The following ALDH1A2 variants were observed in gnomAD, a reference collection of about 807,000 sequenced individuals.
The protein encoded by ALDH1A2 is retinal dehydrogenase 2.
A neutral mutation model predicts 60.3 loss-of-function variants in ALDH1A2; 27 were observed. The observed-to-expected ratio is 0.45, with a 90% confidence interval of 0.33 to 0.62. The LOEUF (loss-of-function observed/expected upper bound fraction) is 0.62. Among genes scored for constraint, ALDH1A2 ranks in the 20% least tolerant of loss-of-function variants. ALDH1A2 has a pLI of 0.02. For missense variants in ALDH1A2, 581 were observed against 643.8 expected (o/e 0.90, Z 1.06); for synonymous variants, 289 against 232.4 (o/e 1.24, Z -2.21).
chr15:57,992,817 G>A lies in ALDH1A2; in HGVS notation c.686C>T (p.Ala229Val). The A allele has an allele frequency of 1.9e-6, 3 of 1,614,118 alleles. No individual in the cohort carries two copies. Among genetic ancestry groups the A allele is most frequent in the Non-Finnish European group, 2.5e-6 (3 of 1,179,974 alleles). The change falls in exon 7 of 13, where the codon GCT becomes GTT. Residue 229 changes from alanine to valine, a missense_variant and splice_region_variant. Around this residue, in one of 2 missense-constraint regions of ALDH1A2, gnomAD observed 375 missense variants for 469.7 expected, o/e 0.80. Transcript: ENST00000249750. ...ALYMGALIKEAGFPPGVINIL... is the reference protein window; with the variant it reads ...ALYMGALIKEVGFPPGVINIL... ...ATTGATGACCCCGGGAGGAAAGCCA[G>A]CCTAAGAAAACAGAACAGGAGGAAA...
chr15:58,031,360 T>C (rs1896235820), intron 1 of ALDH1A2, among the ~76,000 whole-genome samples: 1 of 152,068 alleles, frequency 6.6e-6, no homozygotes, highest in African/African-American at 2.4e-5. Flanking sequence ...GTACAAAAAT[T>C]AACTCAAGAT....
intron 1 of ALDH1A2, among the ~76,000 whole-genome samples, chr15:58,028,764 A>T (rs1379146141): frequency 6.6e-6 from 1 of 152,208 alleles, no homozygotes; most frequent in African/African-American, 2.4e-5. Flanking sequence ...AGTCTGATGA[A>T]ACAGACTTTA....
chr15:57,975,872 TGTGAGG>T (rs1326238551), intron 7 of ALDH1A2, among the ~76,000 whole-genome samples: 2 of 151,904 alleles, frequency 1.3e-5, no homozygotes, highest in East Asian at 3.9e-4. Context: ...CTAGGAAACA[TGTGAGG>T]GTGAGGGACA....
chr15:58,000,041 T>C (rs534605317), intron 4 of ALDH1A2, among the ~76,000 whole-genome samples: 5 of 151,744 alleles, frequency 3.3e-5, no homozygotes, highest in African/African-American at 1.2e-4. Flanking sequence ...ACAACAGACA[T>C]TGGCACCTTT....
At chr15:57,985,128 T>A (rs1050867671) in intron 7 of ALDH1A2, among the ~76,000 whole-genome samples, 1 of 152,236 alleles carries the variant, frequency 6.6e-6, no homozygotes, top group African/African-American at 2.4e-5. Context: ...CCACAATTTT[T>A]TGACCCAGAA....
chr15:58,051,082 T>C (rs557985229), intron 1 of ALDH1A2, among the ~76,000 whole-genome samples: 3 of 152,252 alleles, frequency 2.0e-5, no homozygotes, highest in East Asian at 3.9e-4. Context: ...AGAAGAATTA[T>C]TGAATTTTTT....
At chr15:58,033,682 CTTTTT>C (rs5812918) in intron 1 of ALDH1A2, among the ~76,000 whole-genome samples, 2 of 134,516 alleles carry the variant, frequency 1.5e-5, no homozygotes, top group Non-Finnish European at 1.6e-5. Flanking sequence ...TGTTAGGACT[CTTTTT>C]TTTTTTTTTT....
rs1200994598 is a variant in ALDH1A2, at chr15:58,058,860, T to C, written c.117+6674A>G. On this transcript the variant is annotated intron_variant, in intron 1 of 12. Coordinates refer to ENST00000249750, the MANE Select transcript of ALDH1A2 (RefSeq NM_003888.4). ...AAATTAGAAAGTTCACACGCAGACA[T>C]ACTAATTTTTAACCACATTCTACAG... Among the ~76,000 whole-genome samples the C allele has an allele frequency of 2.6e-5, 4 of 152,162 alleles. No individual in the cohort carries two copies. The East Asian group carries it at 7.7e-4, about 29-fold the overall frequency.
chr15:58,003,821 T>C (rs1339322453), intron 4 of ALDH1A2, among the ~76,000 whole-genome samples: 1 of 151,854 alleles, frequency 6.6e-6, no homozygotes, highest in African/African-American at 2.4e-5. Flanking sequence ...AAAAAAGTGT[T>C]CCATAGGTCA....
At chr15:57,958,477 T>G (rs1035238980) in intron 12 of ALDH1A2, among the ~76,000 whole-genome samples, 5 of 152,096 alleles carry the variant, frequency 3.3e-5, no homozygotes, top group African/African-American at 1.2e-4. Context: ...TCTCTGAGCC[T>G]GGGAATTAAG....
intron 7 of ALDH1A2, among the ~76,000 whole-genome samples, chr15:57,977,497 G>A (rs1199529167): frequency 1.3e-5 from 2 of 152,170 alleles, no homozygotes; most frequent in Non-Finnish European, 2.9e-5. Context: ...GATTTTGTTA[G>A]GTTTGTCAAA....
chr15:57,965,831 A>T lies in ALDH1A2; in HGVS notation c.799-4T>A. ...CTTCTTGGATAAGCTTTCCAACCTG[A>T]AAGAAGGGAAATGGAGACAGGTTTT... On this transcript the variant is annotated splice_polypyrimidine_tract_variant and splice_region_variant and intron_variant, in intron 7 of 12. Coordinates refer to ENST00000249750, the MANE Select transcript of ALDH1A2 (RefSeq NM_003888.4). 6.2e-7 allele frequency: 1 copy of T among 1,612,882 alleles called. No homozygotes were observed. The highest frequency in any genetic ancestry group is 2.2e-5 in the East Asian group (1 of 44,878).
In ALDH1A2 at chr15:57,955,129, T is replaced by C. The variant is rs1232531358; in HGVS notation, c.*68A>G. 6 of 1,473,444 alleles carry C rather than the reference T, an allele frequency of 4.1e-6. No homozygotes were observed. The highest frequency in any genetic ancestry group is 2.3e-5 in the East Asian group (1 of 44,222). The allele number at this position is 1,473,444 out of a possible 1,614,324, so 91.3% of individuals were successfully genotyped here. A position where few individuals can be genotyped will look rare whatever the true frequency, so the allele number is the denominator to read the frequency against. ...GGCTCAACTTTGTATTCCTGAGAGC[T>C]GGGCCCTACAGAGAAAGCAGAGAGG... On this transcript the variant is annotated 3_prime_UTR_variant, in exon 13 of 13. Coordinates refer to ENST00000249750, the MANE Select transcript of ALDH1A2 (RefSeq NM_003888.4).
intron 4 of ALDH1A2, among the ~76,000 whole-genome samples, chr15:58,001,536 C>T (rs1031456295): frequency 6.6e-6 from 1 of 151,860 alleles, no homozygotes; most frequent in South Asian, 2.1e-4. Flanking sequence ...AGAGCCAACT[C>T]GAAATGGAGA....
At chr15:57,959,910 C>G (rs564907765) in intron 12 of ALDH1A2, among the ~76,000 whole-genome samples, 1 of 152,222 alleles carries the variant, frequency 6.6e-6, no homozygotes, top group South Asian at 2.1e-4. Context: ...CACACACTAC[C>G]GTTATTTTTC....
intron 7 of ALDH1A2, among the ~76,000 whole-genome samples, chr15:57,983,426 A>T (rs754792413): frequency 6.6e-6 from 1 of 152,178 alleles, no homozygotes; most frequent in Non-Finnish European, 1.5e-5. Flanking sequence ...CATTTTCTCC[A>T]AAGAGATTAA....
rs568938407 is a variant in ALDH1A2, at chr15:57,968,757, G to A, written c.799-2930C>T. Among the ~76,000 whole-genome samples, 8 of 152,266 alleles carry A rather than the reference G, an allele frequency of 5.3e-5. No individual in the cohort carries two copies. In the East Asian group the frequency reaches 1.5e-3, roughly 29 times the overall value. On this transcript the variant is annotated intron_variant, in intron 7 of 12. Coordinates refer to ENST00000249750, the MANE Select transcript of ALDH1A2 (RefSeq NM_003888.4). The stretch of plus-strand genomic sequence containing the variant: ...GTTGGCAGACACTGCTGGCCCAGCT[G>A]GCATTACATTTCTGTTAGCCCTACT...
chr15:57,981,305 CACACACACACACACACACACACAG>C (rs1894497936), intron 7 of ALDH1A2, among the ~76,000 whole-genome samples: 1 of 150,574 alleles, frequency 6.6e-6, no homozygotes, highest in South Asian at 2.1e-4. Context: ...CACACACACA[CACACACACACACACACACACACAG>C]ACACACACAA....
intron 1 of ALDH1A2, among the ~76,000 whole-genome samples, chr15:58,046,326 G>C (rs567538677): frequency 1.3e-5 from 2 of 152,132 alleles, no homozygotes; most frequent in East Asian, 3.9e-4. Context: ...AGGATAGCAA[G>C]GTAACAAGCA....
Sources: allele counts gnomAD v4.1 joint callset (sites outside exome capture counted in the v4.1 genomes callset), GRCh38; gene constraint gnomAD v4.1.1; regional missense constraint gnomAD v4.1.1; transcripts MANE v1.5; gene names NCBI Gene and HGNC (gene_info 2026-07-23, HGNC 2026-07-21).